The following NOP58 variants were observed in gnomAD, a reference collection of about 807,000 sequenced individuals.
NOP58 encodes the protein nucleolar protein 58.
Under a neutral mutation model 71.2 loss-of-function variants are expected in NOP58, and 44 were observed. The observed-to-expected ratio is 0.62, with a 90% CI of 0.49 to 0.79. NOP58 has a LOEUF of 0.79. Among genes scored for constraint, NOP58 ranks in the 30% least tolerant of loss-of-function variants. The pLI is 0.00. For synonymous variants in NOP58, 228 were observed against 200.3 expected (o/e 1.14, Z -1.17); for missense variants, 538 against 620.2 (o/e 0.87, Z 1.41).
At chr2:202,296,236 G>T (rs1468357538) in intron 10 of NOP58, among the ~76,000 whole-genome samples, 2 of 151,796 alleles carry the variant, frequency 1.3e-5, no homozygotes, top group African/African-American at 2.4e-5. Context: ...CCGCTCTGTC[G>T]CCAGGCTAGA....
intron 1 of NOP58, among the ~76,000 whole-genome samples, chr2:202,266,663 AC>A (rs1265493580): frequency 6.6e-6 from 1 of 152,178 alleles, no homozygotes; most frequent in Non-Finnish European, 1.5e-5. Flanking sequence ...TTGTCTTAAT[AC>A]GGTTACTCTG....
chr2:202,276,202 G>C (rs772343884), intron 2 of NOP58, among the ~76,000 whole-genome samples: 13 of 151,898 alleles, frequency 8.6e-5, no homozygotes, highest in Non-Finnish European at 1.9e-4. Flanking sequence ...GCCGGGCGTG[G>C]TGGCACATGC....
At chr2:202,276,259 G>A (rs533165790) in intron 2 of NOP58, among the ~76,000 whole-genome samples, 2 of 151,432 alleles carry the variant, frequency 1.3e-5, no homozygotes, top group Non-Finnish European at 2.9e-5. Context: ...AAAATCCCTT[G>A]AGCCTGGGAG....
In NOP58 at chr2:202,267,242, A is replaced by G. The variant is rs543749534; in HGVS notation, c.45+1256A>G. On this transcript the variant is annotated intron_variant, in intron 1 of 14. Coordinates refer to ENST00000264279, the MANE Select transcript of NOP58 (RefSeq NM_015934.5). ...TATGTTGGTAGAAAGCAAAAACGCT[A>G]GGTAAAAATAAATGTAATACAATTT... Among the ~76,000 whole-genome samples the G allele has an allele frequency of 1.6e-4, 25 of 152,328 alleles. No individual in the cohort carries two copies. In the East Asian group the frequency reaches 2.3e-3, roughly 14 times the overall value.
chr2:202,297,640 T>C (rs777367588), intron 11 of NOP58, 127 bp downstream of exon 11: 1 of 996,888 alleles, frequency 1.0e-6, no homozygotes, highest in Non-Finnish European at 1.5e-6. Flanking sequence ...GTATTCTTTT[T>C]GTGCCTACTG....
At chr2:202,275,074 G>A in intron 1 of NOP58, 39 bp from the exon 2 acceptor site, 1 of 1,022,486 alleles carries the variant, frequency 9.8e-7, no homozygotes, top group Non-Finnish European at 1.5e-6. Flanking sequence ...TGCCTCACCT[G>A]TACCATTTAA....
chr2:202,278,078 T>G (rs991039558), intron 3 of NOP58, 76 bp downstream of exon 3: 8 of 927,600 alleles, frequency 8.6e-6, no homozygotes, highest in Non-Finnish European at 1.3e-5. Flanking sequence ...TTTAAAAGGT[T>G]GTTTGCTTCA....
At chr2:202,294,523 C>G (rs549450650) in intron 9 of NOP58, among the ~76,000 whole-genome samples, 1 of 152,236 alleles carries the variant, frequency 6.6e-6, no homozygotes, top group Admixed American at 6.5e-5. Flanking sequence ...AAGCTCCCCC[C>G]TCCAAGAATG....
At position 202,291,340 on chromosome 2, in the gene NOP58, A is replaced by G. The variant is rs369099255; in HGVS notation, c.780+70A>G. ...TATAGTACTAATTTTTCTGATGGCA[A>G]TGATGATTTTTACACTTATTGTTGT... On this transcript the variant is annotated intron_variant, in intron 8 of 14. Transcript: ENST00000264279. The G allele has an allele frequency of 4.5e-3, 5,492 of 1,224,136 alleles. 21 individuals are homozygous for G. Among genetic ancestry groups the G allele is most frequent in the Non-Finnish European group, 5.5e-3 (4,811 of 880,930 alleles). The allele number at this position is 1,224,136 out of a possible 1,614,324, so 75.8% of individuals were successfully genotyped here. A position where few individuals can be genotyped will look rare whatever the true frequency, so the allele number is the denominator to read the frequency against.
Position 202,265,897 on chromosome 2 carries a change from C to T in NOP58, c.-45C>T, listed in dbSNP as rs376417516. ...CGTAGTCGGTGTTTTTGAACTGACT[C>T]TACAGCTTCTGGCAGGCCGTGCGGC... On this transcript the variant is annotated 5_prime_UTR_variant, in exon 1 of 15. Transcript: ENST00000264279. 59 of 1,613,628 alleles carry T rather than the reference C, an allele frequency of 3.7e-5. No homozygotes were observed. Among genetic ancestry groups the T allele is most frequent in the Admixed American group, 1.0e-4 (6 of 60,018 alleles).
chr2:202,273,780 TA>T (rs1317020899), intron 1 of NOP58, among the ~76,000 whole-genome samples: 1 of 152,018 alleles, frequency 6.6e-6, no homozygotes, highest in Admixed American at 6.6e-5. Flanking sequence ...CAGTCTCTAC[TA>T]AAAATACAAA....
chr2:202,284,518 A>G (rs761607508), intron 5 of NOP58, 37 bp downstream of exon 5: 1 of 1,607,360 alleles, frequency 6.2e-7, no homozygotes, highest in Non-Finnish European at 8.5e-7. Context: ...ACTTACTTTT[A>G]TTTGATAAGC....
intron 13 of NOP58, among the ~76,000 whole-genome samples, chr2:202,302,474 C>A (rs1689111484): frequency 6.6e-6 from 1 of 152,140 alleles, no homozygotes; most frequent in Non-Finnish European, 1.5e-5. Context: ...TTCTATGCAT[C>A]ATCTTTTTAA....
chr2:202,282,420 A>C lies in NOP58; in HGVS notation c.245A>C (p.Glu82Ala), dbSNP rs778525161. Residue 82 changes from glutamate to alanine, a missense_variant, in exon 4 of 15, where the codon GAA (glutamate) becomes GCA (alanine). By Grantham distance (107) the Glu-to-Ala change is moderately radical. Transcript: ENST00000264279. ...LKKVLKKIVK[E>A]AHEPLAVADA... ...AAAGTTCTGAAGAAAATAGTAAAAG[A>C]AGCCCATGAACCGCTGGCAGTAGCT... 3 of 1,613,764 alleles carry C rather than the reference A, an allele frequency of 1.9e-6. No individual in the cohort carries two copies. Among genetic ancestry groups the C allele is most frequent in the East Asian group, 2.2e-5 (1 of 44,864 alleles).
In NOP58 at chr2:202,273,695, C is replaced by T. The variant is rs557056390; in HGVS notation, c.46-1418C>T. 9.5e-4 allele frequency among the ~76,000 whole-genome samples: 144 copies of T among 152,294 alleles called. 1 individual carries two copies. Among genetic ancestry groups the T allele is most frequent in the African/African-American group, 3.2e-3 (134 of 41,556 alleles). ...TGTTGGCTCACGCCTGTAATCCCAA[C>T]GCTTTGGGAGGCCGAGGCAGGTGGA... is the stretch of plus-strand genomic sequence containing the variant. On this transcript the variant is annotated intron_variant, in intron 1 of 14. Coordinates refer to ENST00000264279, the MANE Select transcript of NOP58 (RefSeq NM_015934.5).
intron 5 of NOP58, among the ~76,000 whole-genome samples, chr2:202,286,422 G>A (rs796642093): frequency 1.3e-5 from 2 of 151,142 alleles, no homozygotes; most frequent in Non-Finnish European, 2.9e-5. Context: ...GGAGAATGGC[G>A]TGAACCCGGG....
At position 202,303,017 on chromosome 2, in the gene NOP58, C is replaced by G. The variant is rs772943647; in HGVS notation, c.1499C>G (p.Pro500Arg). The change falls in exon 14 of 15, where the codon CCA (proline) becomes CGA (arginine). Residue 500 changes from proline to arginine, a missense_variant. By Grantham distance (103) the Pro-to-Arg change is moderately radical. Coordinates refer to ENST00000264279, the MANE Select transcript of NOP58 (RefSeq NM_015934.5). Reference protein sequence around the residue: ...RGKKKHIKEEPLSEEEPCTST... With the variant: ...RGKKKHIKEERLSEEEPCTST... ...AAAAAGAAACACATTAAGGAAGAAC[C>G]ACTTTCTGAGGAAGAACCATGTACC... 6.2e-7 allele frequency: 1 copy of G among 1,612,544 alleles called. No individual in the cohort carries two copies. Among genetic ancestry groups the G allele is most frequent in the African/African-American group, 1.3e-5 (1 of 74,872 alleles).
chr2:202,280,392 C>T (rs1348604577), intron 3 of NOP58, among the ~76,000 whole-genome samples: 4 of 151,896 alleles, frequency 2.6e-5, no homozygotes, highest in African/African-American at 7.3e-5. Flanking sequence ...GGCATGATCT[C>T]GGCTCACTGC....
At chr2:202,266,617 A>G (rs775095669) in intron 1 of NOP58, among the ~76,000 whole-genome samples, 5 of 152,266 alleles carry the variant, frequency 3.3e-5, no homozygotes, top group East Asian at 1.9e-4. Flanking sequence ...TGCTCGGCCA[A>G]TCGAAAGGAT....
Sources: gnomAD v4.1 joint callset for allele counts (sites outside exome capture counted in the v4.1 genomes callset) on GRCh38, gnomAD v4.1.1 for gene constraint, MANE v1.5 for transcripts, NCBI Gene and HGNC (gene_info 2026-07-23, HGNC 2026-07-21) for gene names.